Variants in FRAS1 observed in about 807,000 individuals in gnomAD.
FRAS1 encodes extracellular matrix organizing protein FRAS1.
In FRAS1, 290 loss-of-function variants were observed where a neutral mutation model predicts 435.2. The observed-to-expected ratio is 0.67, with a 90% CI of 0.61 to 0.73. The LOEUF is 0.73. Among genes scored for constraint, FRAS1 ranks in the 30% least tolerant of loss-of-function variants. The probability of loss-of-function intolerance (pLI) is 0.00; values close to 1 mark genes in which losing one functional copy is unlikely to be tolerated. For synonymous variants in FRAS1, 1,800 were observed against 1,851.0 expected, an observed-to-expected ratio of 0.97 and a Z score of 0.71; for missense variants, 4,860 against 5,001.5, an observed-to-expected ratio of 0.97 and a Z score of 0.85.
chr4:78,432,191 C>T lies in FRAS1; in HGVS notation c.4970-166C>T, dbSNP rs78058030. On this transcript the variant is annotated intron_variant, in intron 37 of 73. Coordinates refer to ENST00000512123, the MANE Select transcript of FRAS1 (RefSeq NM_025074.7). Reference sequence around the variant, plus strand: ...GGAGAAACTAATTACCCTTTTTCAACGGTGGTGTAAAGGGAATCCTATAGT... The same window carrying T: ...GGAGAAACTAATTACCCTTTTTCAATGGTGGTGTAAAGGGAATCCTATAGT... 3.6e-3 allele frequency among the ~76,000 whole-genome samples: 544 copies of T among 152,224 alleles called. 4 individuals carry two copies. Among genetic ancestry groups the T allele is most frequent in the African/African-American group, 0.012 (512 of 41,530 alleles).
intron 2 of FRAS1, among the ~76,000 whole-genome samples, chr4:78,085,655 A>G (rs944657204): frequency 2.0e-5 from 3 of 152,150 alleles, no homozygotes; most frequent in Non-Finnish European, 4.4e-5. Context: ...CTTGGTTAAT[A>G]ACAGTATGTT....
rs184327915 is a variant in FRAS1, at chr4:78,339,502, A to T, written c.2422+1685A>T. Among the ~76,000 whole-genome samples the T allele has an allele frequency of 2.0e-3, 303 of 152,350 alleles. 3 individuals are homozygous for T. The highest frequency in any genetic ancestry group is 6.5e-3 in the African/African-American group (271 of 41,588). On this transcript the variant is annotated intron_variant, in intron 20 of 73. Transcript: ENST00000512123. ...GAGTTCAAGGTAGGGAGAAGTAACA[A>T]GATATGGAAGGCATTATGCGGGGGG...
intron 40 of FRAS1, among the ~76,000 whole-genome samples, chr4:78,440,021 T>C (rs1430449427): frequency 2.8e-5 from 4 of 140,720 alleles, no homozygotes. Flanking sequence ...TCATTTCTTT[T>C]TTTTTTTTTT....
chr4:78,120,596 A>T (rs1003918974), intron 2 of FRAS1, among the ~76,000 whole-genome samples: 23 of 152,144 alleles, frequency 1.5e-4, no homozygotes, highest in Non-Finnish European at 2.8e-4. Context: ...CCTGTGTGCA[A>T]AACCACAGCC....
chr4:78,326,259 A>C lies in FRAS1; in HGVS notation c.2138-7013A>C, dbSNP rs1442811878. On this transcript the variant is annotated intron_variant, in intron 18 of 73. Coordinates refer to ENST00000512123, the MANE Select transcript of FRAS1 (RefSeq NM_025074.7). ...TGAATGATGTTGAAGATCCTTATTA[A>C]GGGGCTGTGGGAAGGTGGGATAGAT... is the stretch of plus-strand genomic sequence containing the variant. Among the ~76,000 whole-genome samples, 3 of 152,210 alleles carry C rather than the reference A, an allele frequency of 2.0e-5. No individual in the cohort carries two copies. The East Asian group carries it at 5.8e-4, about 29-fold the overall frequency.
At chr4:78,483,808 A>ATATATATG (rs1720090559) in intron 58 of FRAS1, among the ~76,000 whole-genome samples, 2 of 126,498 alleles carry the variant, frequency 1.6e-5, no homozygotes, top group Non-Finnish European at 3.4e-5. Context: ...AAAATTATGT[A>ATATATATG]TGTGTGATAC....
At chr4:78,392,935 G>T (rs1394654955) in intron 29 of FRAS1, among the ~76,000 whole-genome samples, 1 of 151,066 alleles carries the variant, frequency 6.6e-6, no homozygotes, top group African/African-American at 2.4e-5. Context: ...AATCTTCCCT[G>T]GATCCTCTCC....
Position 78,441,199 on chromosome 4 carries a change from A to AT in FRAS1, c.5574dup (p.Ala1859CysfsTer3), listed in dbSNP as rs753831692. On this transcript the variant is annotated frameshift_variant, in exon 41 of 74. Transcript: ENST00000512123. LOFTEE classifies it high-confidence loss of function. ...GGGAGAGCACCACTCTCATTTCACC[A>AT]TTTTTTTGCTACTGATGATGATGAC... 4 of 1,613,714 alleles carry AT rather than the reference A, an allele frequency of 2.5e-6. No individual in the cohort carries two copies. The highest frequency in any genetic ancestry group is 3.3e-5 in the Admixed American group (2 of 60,006).
At chr4:78,142,791 A>T (rs1183753850) in intron 2 of FRAS1, among the ~76,000 whole-genome samples, 2 of 152,216 alleles carry the variant, frequency 1.3e-5, no homozygotes, top group African/African-American at 4.8e-5. Flanking sequence ...AAGTAGTAAA[A>T]ATATGAATTT....
intron 38 of FRAS1, among the ~76,000 whole-genome samples, chr4:78,435,911 A>T (rs543648456): frequency 6.6e-6 from 1 of 152,220 alleles, no homozygotes; most frequent in Non-Finnish European, 1.5e-5. Flanking sequence ...CTGAAAAACC[A>T]TAAGTAAAAT....
At chr4:78,438,041 TCACG>T (rs1734499629) in intron 38 of FRAS1, among the ~76,000 whole-genome samples, 1 of 152,072 alleles carries the variant, frequency 6.6e-6, no homozygotes, top group Non-Finnish European at 1.5e-5. Context: ...TAAAATTTTA[TCACG>T]TTGAACATTG....
chr4:78,366,579 A>G (rs1731277202), intron 22 of FRAS1, among the ~76,000 whole-genome samples: 1 of 152,206 alleles, frequency 6.6e-6, no homozygotes, highest in Non-Finnish European at 1.5e-5. Flanking sequence ...CCTACAGCAG[A>G]AAACAAGTCT....
intron 71 of FRAS1, among the ~76,000 whole-genome samples, chr4:78,534,834 A>G (rs1335144826): frequency 6.6e-6 from 1 of 152,216 alleles, no homozygotes; most frequent in Non-Finnish European, 1.5e-5. Flanking sequence ...AATGATTGGC[A>G]GTGTGATGCC....
In FRAS1 at chr4:78,410,157, C is replaced by T. The variant is rs117238580; in HGVS notation, c.4308+2316C>T. 1.1e-3 allele frequency among the ~76,000 whole-genome samples: 168 copies of T among 152,270 alleles called. No homozygotes were observed. The East Asian group carries it at 0.02, about 18-fold the overall frequency. ...CTAGAATCCTCAGATCTGCCTTTGC[C>T]TTCGTAGGGTGAGGAAGGAGAATGT... On this transcript the variant is annotated intron_variant, in intron 31 of 73. Coordinates refer to ENST00000512123, the MANE Select transcript of FRAS1 (RefSeq NM_025074.7).
intron 2 of FRAS1, among the ~76,000 whole-genome samples, chr4:78,168,491 C>T (rs372330455): frequency 6.6e-6 from 1 of 151,824 alleles, no homozygotes; most frequent in Non-Finnish European, 1.5e-5. Flanking sequence ...CAAATATAAA[C>T]CTAATCTAAA....
At chr4:78,526,209 G>A (rs1721529024) in intron 69 of FRAS1, among the ~76,000 whole-genome samples, 1 of 152,194 alleles carries the variant, frequency 6.6e-6, no homozygotes, top group Non-Finnish European at 1.5e-5. Flanking sequence ...CAAGTCTCAT[G>A]AAATCCAAAG....
At chr4:78,276,315 C>A (rs141254153) in intron 9 of FRAS1, among the ~76,000 whole-genome samples, 1 of 152,210 alleles carries the variant, frequency 6.6e-6, no homozygotes, top group Non-Finnish European at 1.5e-5. Flanking sequence ...TCTCTCAGCT[C>A]GTCAAAGTCA....
At position 78,325,415 on chromosome 4, in the gene FRAS1, G is replaced by A. The variant is rs1408072980; in HGVS notation, c.2137+6429G>A. Among the ~76,000 whole-genome samples, 9 of 152,240 alleles carry A rather than the reference G, an allele frequency of 5.9e-5. No homozygotes were observed. In the East Asian group the frequency reaches 1.7e-3, roughly 29 times the overall value. On this transcript the variant is annotated intron_variant, in intron 18 of 73. Coordinates refer to ENST00000512123, the MANE Select transcript of FRAS1 (RefSeq NM_025074.7). The stretch of plus-strand genomic sequence containing the variant: ...AAGAGTTTTAATTAAAAAAATACGT[G>A]GGCAGGAATCTGCCTGTACAGCTTA...
At chr4:78,312,863 G>A (rs531364303) in intron 15 of FRAS1, among the ~76,000 whole-genome samples, 1 of 141,070 alleles carries the variant, frequency 7.1e-6, no homozygotes, top group Non-Finnish European at 1.6e-5. Context: ...GAAAGAAAGA[G>A]AGAGAGAGAG....
Sources: gnomAD v4.1 joint callset for allele counts (sites outside exome capture counted in the v4.1 genomes callset) on GRCh38, gnomAD v4.1.1 for gene constraint, MANE v1.5 for transcripts, NCBI Gene and HGNC (gene_info 2026-07-23, HGNC 2026-07-21) for gene names.